The following VTA1 variants were observed in gnomAD, a reference collection of about 807,000 sequenced individuals.
The protein encoded by VTA1 is vesicle trafficking 1, also known as vacuolar protein sorting-associated protein VTA1 homolog.
Under a neutral mutation model 36.9 loss-of-function variants are expected in VTA1, and 24 were observed. That is an observed-to-expected ratio of 0.65 (90% CI 0.47 to 0.91). The LOEUF (loss-of-function observed/expected upper bound fraction) is 0.91, where lower values mean the gene tolerates loss of function less well. VTA1 is among the 40% of genes least tolerant of loss of function. The pLI, the probability that VTA1 is intolerant of heterozygous loss-of-function variation, is 0.00. For missense variants in VTA1, 393 were observed against 377.2 expected (o/e 1.04, Z -0.35); for synonymous variants, 142 against 130.2 (o/e 1.09, Z -0.62).
At chr6:142,175,243 A>AC (rs981738174) in intron 4 of VTA1, among the ~76,000 whole-genome samples, 1 of 152,008 alleles carries the variant, frequency 6.6e-6, no homozygotes, top group Admixed American at 6.5e-5. Context: ...TCATTGAAGA[A>AC]CCTACAGGAA....
rs111323700 is a variant in VTA1 at position 142,173,353 on chromosome 6, C to T, written c.411+2932C>T. Among the ~76,000 whole-genome samples the T allele has an allele frequency of 7.0e-3, 1,072 of 152,326 alleles. 16 individuals are homozygous for T. Among genetic ancestry groups the T allele is most frequent in the African/African-American group, 0.025 (1,021 of 41,578 alleles). On this transcript the variant is annotated intron_variant, in intron 4 of 7. Coordinates refer to ENST00000367630, the MANE Select transcript of VTA1 (RefSeq NM_016485.5). ...AATTCAAGATACCAGAAGAGAGGAT[C>T]ATGATAAGGCAAAGTAACAGATCAG...
intron 1 of VTA1, 90 bp downstream of exon 1, chr6:142,147,489 C>G: frequency 7.6e-7 from 1 of 1,314,670 alleles, no homozygotes; most frequent in Non-Finnish European, 1.1e-6. Context: ...CATGCCCCGC[C>G]CCCCTCGCTT....
intron 1 of VTA1, among the ~76,000 whole-genome samples, chr6:142,153,403 A>G (rs768814563): frequency 9.9e-5 from 15 of 151,812 alleles, no homozygotes; most frequent in Non-Finnish European, 8.8e-5. Flanking sequence ...CAATCCTAGT[A>G]CTCTAACTCA....
chr6:142,169,558 G>T lies in VTA1; in HGVS notation c.216G>T (p.Lys72Asn), dbSNP rs1393254875. 1 of 1,606,596 alleles carries T rather than the reference G, an allele frequency of 6.2e-7. No individual in the cohort carries two copies. Among genetic ancestry groups the T allele is most frequent in the Non-Finnish European group, 8.5e-7 (1 of 1,178,452 alleles). Residue 72 changes from lysine to asparagine, a missense_variant, in exon 3 of 8, where the codon AAG (lysine) becomes AAT (asparagine). Lys to Asn is a moderately conservative substitution (Grantham distance 94, BLOSUM62 0). Coordinates refer to ENST00000367630, the MANE Select transcript of VTA1 (RefSeq NM_016485.5). Reference sequence around the variant, plus strand: ...ATCTGATTTTATTTTAGCTAAAGAAGCAGTTGGGTGATAATGAAGCTATTA... The same window carrying T: ...ATCTGATTTTATTTTAGCTAAAGAATCAGTTGGGTGATAATGAAGCTATTA... ...KLMDQLEALK[K>N]QLGDNEAITQ...
intron 2 of VTA1, among the ~76,000 whole-genome samples, chr6:142,168,214 T>A (rs2114643572): frequency 6.6e-6 from 1 of 152,330 alleles, no homozygotes; most frequent in Admixed American, 6.5e-5. Flanking sequence ...GAAATCTGCC[T>A]TTACAAATGA....
At chr6:142,210,466 G>GA (rs1236630566) in intron 7 of VTA1, among the ~76,000 whole-genome samples, 2 of 152,000 alleles carry the variant, frequency 1.3e-5, no homozygotes, top group South Asian at 2.1e-4. Flanking sequence ...CATGGCGAAG[G>GA]AAAAAATCAA....
At chr6:142,175,949 G>C (rs1451466611) in intron 4 of VTA1, among the ~76,000 whole-genome samples, 1 of 151,736 alleles carries the variant, frequency 6.6e-6, no homozygotes, top group South Asian at 2.1e-4. Flanking sequence ...TTTTAACTGT[G>C]CCTTATTATC....
chr6:142,196,111 A>G (rs1775547679), intron 5 of VTA1, among the ~76,000 whole-genome samples: 1 of 152,142 alleles, frequency 6.6e-6, no homozygotes, highest in African/African-American at 2.4e-5. Context: ...ATGTACCTTT[A>G]TAGTTATTTT....
intron 7 of VTA1, 100 bp downstream of exon 7, chr6:142,204,165 C>T: frequency 9.5e-7 from 1 of 1,057,896 alleles, no homozygotes; most frequent in Non-Finnish European, 1.4e-6. Context: ...AATGTTGTTA[C>T]TGAAATTTGA....
chr6:142,200,776 CTG>C (rs1020436276), intron 6 of VTA1, among the ~76,000 whole-genome samples: 2 of 151,842 alleles, frequency 1.3e-5, no homozygotes, highest in Non-Finnish European at 2.9e-5. Flanking sequence ...CTTGTTTTCT[CTG>C]TCTTTTGTTC....
chr6:142,169,596 T>G lies in VTA1; in HGVS notation c.254T>G (p.Val85Gly), dbSNP rs1774989269. ...GDNEAITQEI[V>G]GCAHLENYAL... ...AATGAAGCTATTACTCAAGAAATAG[T>G]GGGCTGTGCCCATTTGGAGAATTAT... Residue 85 changes from valine to glycine, a missense_variant, in exon 3 of 8, where the codon GTG becomes GGG. By Grantham distance (109) the Val-to-Gly change is moderately radical. Transcript: ENST00000367630. The G allele has an allele frequency of 6.2e-7, 1 of 1,609,806 alleles. No homozygotes were observed. The highest frequency in any genetic ancestry group is 1.3e-5 in the African/African-American group (1 of 74,828).
At chr6:142,202,138 G>C (rs543289552) in intron 6 of VTA1, among the ~76,000 whole-genome samples, 88 of 152,010 alleles carry the variant, frequency 5.8e-4, no homozygotes, top group African/African-American at 2.0e-3. Flanking sequence ...ATCCATCTCA[G>C]ATTTTACATT....
intron 4 of VTA1, among the ~76,000 whole-genome samples, chr6:142,177,063 A>G: frequency 6.6e-6 from 1 of 152,222 alleles, no homozygotes; most frequent in East Asian, 1.9e-4. Flanking sequence ...TTTATTCCTT[A>G]CATACACCAT....
intron 4 of VTA1, among the ~76,000 whole-genome samples, chr6:142,183,470 G>A (rs929500603): frequency 1.3e-5 from 2 of 152,140 alleles, no homozygotes; most frequent in Non-Finnish European, 2.9e-5. Context: ...CTTCAGTGTA[G>A]CAAGTGATTT....
At chr6:142,165,185 G>A (rs1476080266) in intron 1 of VTA1, among the ~76,000 whole-genome samples, 2 of 152,132 alleles carry the variant, frequency 1.3e-5, no homozygotes, top group African/African-American at 4.8e-5. Context: ...AGTGTTTTTA[G>A]TCTTCAGATT....
At chr6:142,174,202 G>A (rs1775076230) in intron 4 of VTA1, among the ~76,000 whole-genome samples, 1 of 152,174 alleles carries the variant, frequency 6.6e-6, no homozygotes, top group African/African-American at 2.4e-5. Context: ...ACTCCAACCT[G>A]TGGGAGCAGC....
chr6:142,189,968 A>C (rs552235614), intron 5 of VTA1, among the ~76,000 whole-genome samples: 1 of 152,138 alleles, frequency 6.6e-6, no homozygotes, highest in Non-Finnish European at 1.5e-5. Context: ...TGTGTTAGAC[A>C]GGATGGTCTC....
chr6:142,200,233 TA>T (rs1043025644), intron 6 of VTA1, among the ~76,000 whole-genome samples: 2 of 152,030 alleles, frequency 1.3e-5, no homozygotes, highest in African/African-American at 4.8e-5. Flanking sequence ...GGAAAAACTG[TA>T]AAAATGGACT....
intron 7 of VTA1, among the ~76,000 whole-genome samples, chr6:142,206,172 A>G (rs895016679): frequency 3.3e-5 from 5 of 152,198 alleles, no homozygotes; most frequent in African/African-American, 1.2e-4. Context: ...GGAAGAATCA[A>G]TCAAAAAATA....
Sources: gnomAD v4.1 joint callset for allele counts (sites outside exome capture counted in the v4.1 genomes callset) on GRCh38, gnomAD v4.1.1 for gene constraint, MANE v1.5 for transcripts, NCBI Gene and HGNC (gene_info 2026-07-23, HGNC 2026-07-21) for gene names.